The following PTPRE variants were observed in gnomAD, a reference collection of about 807,000 sequenced individuals.
The protein encoded by PTPRE is protein tyrosine phosphatase receptor type E.
A neutral mutation model predicts 102.0 loss-of-function variants in PTPRE; 51 were observed. The observed-to-expected ratio is 0.50, with a 90% confidence interval of 0.40 to 0.63. The LOEUF is 0.63. Ranked by LOEUF, PTPRE falls within the 30% of genes least tolerant of loss-of-function variation. PTPRE has a pLI of 0.00. For missense variants in PTPRE, 752 were observed against 915.1 expected (o/e 0.82, Z 2.30); for synonymous variants, 345 against 348.2 (o/e 0.99, Z 0.10).
intron 1 of PTPRE, among the ~76,000 whole-genome samples, chr10:127,953,168 A>C (rs1394864813): frequency 6.6e-6 from 1 of 152,260 alleles, no homozygotes; most frequent in Non-Finnish European, 1.5e-5. Context: ...GAACAGGAGA[A>C]GGCTCTGCAA....
intron 20 of PTPRE, among the ~76,000 whole-genome samples, chr10:128,082,195 C>CTCCCT (rs1554951767): frequency 1.1e-5 from 1 of 89,036 alleles, no homozygotes; most frequent in African/African-American, 4.6e-5. Context: ...TTTTCTCTTT[C>CTCCCT]TTTTTTTTTT....
chr10:128,000,124 T>C (rs1424936508), intron 2 of PTPRE, among the ~76,000 whole-genome samples: 1 of 152,240 alleles, frequency 6.6e-6, no homozygotes, highest in African/African-American at 2.4e-5. Context: ...ACAGCAGTTC[T>C]ATTCCTTGTC....
intron 1 of PTPRE, among the ~76,000 whole-genome samples, chr10:127,918,558 C>CAAAAA (rs35535006): frequency 1.2e-4 from 11 of 95,114 alleles, no homozygotes; most frequent in Middle Eastern, 0.013. Flanking sequence ...GACTCCATCT[C>CAAAAA]AAAAAAAAAA....
At chr10:128,002,451 C>A (rs1472235678) in intron 2 of PTPRE, among the ~76,000 whole-genome samples, 1 of 151,994 alleles carries the variant, frequency 6.6e-6, no homozygotes, top group Non-Finnish European at 1.5e-5. Context: ...ATTCCAGGGG[C>A]CCTACCAATC....
intron 2 of PTPRE, among the ~76,000 whole-genome samples, chr10:128,018,431 C>A (rs987238582): frequency 1.3e-5 from 2 of 152,222 alleles, no homozygotes; most frequent in Non-Finnish European, 2.9e-5. Context: ...GTCATCCTGA[C>A]GCTTAAATTT....
At chr10:127,930,557 A>G (rs557723856) in intron 1 of PTPRE, among the ~76,000 whole-genome samples, 2 of 152,274 alleles carry the variant, frequency 1.3e-5, no homozygotes, top group African/African-American at 4.8e-5. Context: ...GAGGCACTTA[A>G]TGAATAAAAT....
chr10:128,017,516 A>G lies in PTPRE; in HGVS notation c.-7-23359A>G, dbSNP rs145071873. Among the ~76,000 whole-genome samples, 656 of 152,188 alleles carry G rather than the reference A, an allele frequency of 4.3e-3. 8 individuals are homozygous for G. Among genetic ancestry groups the G allele is most frequent in the Middle Eastern group, 0.034 (10 of 292 alleles). On this transcript the variant is annotated intron_variant, in intron 2 of 20. Transcript: ENST00000254667. ...ATGGAGTGGAAGGTACAGAATTTCC[A>G]TATGCCCTCCCCACACAGGCACAGC...
At chr10:128,005,981 G>A (rs1359651561) in intron 2 of PTPRE, among the ~76,000 whole-genome samples, 1 of 152,090 alleles carries the variant, frequency 6.6e-6, no homozygotes, top group African/African-American at 2.4e-5. Context: ...CAGTATACAT[G>A]TGTGTGCCAC....
At chr10:127,970,056 T>C (rs1850602488) in intron 1 of PTPRE, among the ~76,000 whole-genome samples, 2 of 123,036 alleles carry the variant, frequency 1.6e-5, no homozygotes, top group Non-Finnish European at 3.7e-5. Flanking sequence ...GCTGAGTTCT[T>C]TTTTTGTTTT....
chr10:127,992,926 C>T (rs970246622), intron 2 of PTPRE, among the ~76,000 whole-genome samples: 4 of 152,182 alleles, frequency 2.6e-5, no homozygotes, highest in African/African-American at 9.7e-5. Flanking sequence ...TGAAATTCAT[C>T]ATAAAGCTAA....
intron 2 of PTPRE, among the ~76,000 whole-genome samples, chr10:128,018,386 A>T (rs1230821436): frequency 6.6e-6 from 1 of 152,240 alleles, no homozygotes; most frequent in Admixed American, 6.5e-5. Flanking sequence ...TTCCAACTGC[A>T]TCTCACACAC....
intron 1 of PTPRE, among the ~76,000 whole-genome samples, chr10:127,958,424 C>T (rs1287704220): frequency 1.3e-5 from 2 of 152,126 alleles, no homozygotes; most frequent in Admixed American, 1.3e-4. Flanking sequence ...AATTTTGTCA[C>T]GTGCTTTTTT....
At chr10:127,948,459 G>A (rs755930503) in intron 1 of PTPRE, among the ~76,000 whole-genome samples, 5 of 152,130 alleles carry the variant, frequency 3.3e-5, no homozygotes, top group African/African-American at 4.8e-5. Flanking sequence ...CACCATGGCC[G>A]TGTCATATAG....
chr10:128,061,278 G>A (rs1478201195), intron 8 of PTPRE, among the ~76,000 whole-genome samples: 1 of 152,248 alleles, frequency 6.6e-6, no homozygotes, highest in Non-Finnish European at 1.5e-5. Context: ...AGCATGGGTA[G>A]TTAAACAGAT....
chr10:128,041,106 T>C lies in PTPRE; in HGVS notation c.109+116T>C, dbSNP rs1847654257. The C allele has an allele frequency of 5.8e-6, 5 of 859,032 alleles. No homozygotes were observed. The South Asian group carries it at 7.8e-5, about 13-fold the overall frequency. 53.2% of individuals were successfully genotyped at this position (859,032 alleles called of 1,614,324 possible). On this transcript the variant is annotated intron_variant, in intron 3 of 20. Coordinates refer to ENST00000254667, the MANE Select transcript of PTPRE (RefSeq NM_006504.6). ...AGAAGAATGGTGTGGCTGAATTTCT[T>C]AGTGTGCTTTTAATAGTTTGTGCCT...
chr10:127,999,172 G>C (rs1275360472), intron 2 of PTPRE: 2 of 152,136 alleles, frequency 1.3e-5, no homozygotes, highest in African/African-American at 4.8e-5. Flanking sequence ...TAAAGTCACC[G>C]AGACTGTGTT....
chr10:127,974,824 A>C (rs939270223), intron 1 of PTPRE, among the ~76,000 whole-genome samples: 1 of 152,226 alleles, frequency 6.6e-6, no homozygotes, highest in Non-Finnish European at 1.5e-5. Context: ...AATTAGCCAC[A>C]GATGCTCTGT....
chr10:127,947,385 AG>A (rs1318037905), intron 1 of PTPRE, among the ~76,000 whole-genome samples: 1 of 152,188 alleles, frequency 6.6e-6, no homozygotes, highest in Non-Finnish European at 1.5e-5. Context: ...TTCAACTGTT[AG>A]GAAATAGTGT....
intron 1 of PTPRE, among the ~76,000 whole-genome samples, chr10:127,949,110 C>T (rs991767185): frequency 7.9e-5 from 12 of 152,228 alleles, no homozygotes; most frequent in Non-Finnish European, 1.8e-4. Context: ...TGGCCACGGA[C>T]TGGGAATTTC....
Sources: gnomAD v4.1 joint callset for allele counts (sites outside exome capture counted in the v4.1 genomes callset) on GRCh38, gnomAD v4.1.1 for gene constraint, MANE v1.5 for transcripts, NCBI Gene and HGNC (gene_info 2026-07-23, HGNC 2026-07-21) for gene names.